Variants in ATG4C observed in about 807,000 individuals in gnomAD.
ATG4C encodes the protein cysteine protease ATG4C.
A neutral mutation model predicts 57.6 loss-of-function variants in ATG4C; 56 were observed. The observed-to-expected ratio is 0.97, with a 90% confidence interval of 0.78 to 1.21. The LOEUF is 1.21. ATG4C is among the 50% of genes most tolerant of loss of function. ATG4C has a pLI of 0.00. For synonymous variants in ATG4C, 157 were observed against 174.1 expected (o/e 0.90, Z 0.78); for missense variants, 595 against 529.8 (o/e 1.12, Z -1.21).
At chr1:62,812,681 A>T (rs1368536550) in intron 3 of ATG4C, among the ~76,000 whole-genome samples, 1 of 152,122 alleles carries the variant, frequency 6.6e-6, no homozygotes, top group Non-Finnish European at 1.5e-5. Flanking sequence ...AAGTCAAATT[A>T]TCTCTTTTTG....
At chr1:62,807,282 A>G (rs182238784) in intron 3 of ATG4C, among the ~76,000 whole-genome samples, 31 of 152,282 alleles carry the variant, frequency 2.0e-4, no homozygotes, top group Non-Finnish European at 4.0e-4. Flanking sequence ...CTTTGATCCC[A>G]GTTCCTAACA....
chr1:62,834,346 C>T (rs1405036271), intron 8 of ATG4C, among the ~76,000 whole-genome samples: 5 of 151,946 alleles, frequency 3.3e-5, no homozygotes, highest in South Asian at 4.1e-4. Context: ...TTATTGGTTG[C>T]GCTAAACTTC....
At chr1:62,843,710 C>T (rs1306704111) in intron 10 of ATG4C, among the ~76,000 whole-genome samples, 2 of 152,076 alleles carry the variant, frequency 1.3e-5, no homozygotes, top group Non-Finnish European at 2.9e-5. Context: ...TAGCAGAATT[C>T]AGTCTAGCAA....
chr1:62,861,576 A>AACACACACAC lies in ATG4C; in HGVS notation c.1210-2374_1210-2365dup, dbSNP rs57225222. Among the ~76,000 whole-genome samples the AACACACACAC allele has an allele frequency of 1.4e-3, 193 of 133,536 alleles. 2 individuals carry two copies. The highest frequency in any genetic ancestry group is 2.1e-3 in the Non-Finnish European group (133 of 63,166). The allele number at this position is 133,536 out of a possible 152,430, so 87.6% of individuals were successfully genotyped here. ...CAGAAGAAAGAAGCTTGGAAAATAG[A>AACACACACAC]ACACACACACACACACACACACACA... On this transcript the variant is annotated intron_variant, in intron 10 of 10. Coordinates refer to ENST00000317868, the MANE Select transcript of ATG4C (RefSeq NM_032852.4).
chr1:62,861,609 A>C (rs1244969366), intron 10 of ATG4C, among the ~76,000 whole-genome samples: 1 of 88,216 alleles, frequency 1.1e-5, no homozygotes, highest in Non-Finnish European at 2.5e-5. Context: ...ACACACACAC[A>C]CACACACACA....
At chr1:62,792,954 TC>T (rs1257586490) in intron 1 of ATG4C, among the ~76,000 whole-genome samples, 1 of 151,456 alleles carries the variant, frequency 6.6e-6, no homozygotes, top group Admixed American at 6.6e-5. Context: ...TGGCGCGATG[TC>T]GGCTCACTGC....
chr1:62,801,885 G>A (rs1664680484), intron 1 of ATG4C, among the ~76,000 whole-genome samples: 1 of 146,480 alleles, frequency 6.8e-6, no homozygotes, highest in South Asian at 2.2e-4. Context: ...ATGAACCGGG[G>A]AGGCGGAGCT....
chr1:62,840,962 C>G (rs1299943525), intron 9 of ATG4C, among the ~76,000 whole-genome samples: 1 of 152,172 alleles, frequency 6.6e-6, no homozygotes, highest in African/African-American at 2.4e-5. Context: ...CTTTTTATGT[C>G]AATATAGAAC....
At chr1:62,840,597 G>A (rs936352123) in intron 9 of ATG4C, among the ~76,000 whole-genome samples, 2 of 152,182 alleles carry the variant, frequency 1.3e-5, no homozygotes, top group African/African-American at 2.4e-5. Context: ...AGGTGTGATT[G>A]TGAGGAACAA....
intron 7 of ATG4C, among the ~76,000 whole-genome samples, chr1:62,832,882 C>A (rs916593618): frequency 2.3e-4 from 35 of 152,138 alleles, no homozygotes; most frequent in African/African-American, 8.4e-4. Flanking sequence ...AAAAGATATT[C>A]ATGACATAAT....
intron 3 of ATG4C, among the ~76,000 whole-genome samples, chr1:62,814,496 A>G (rs1396766125): frequency 6.6e-6 from 1 of 152,164 alleles, no homozygotes; most frequent in African/African-American, 2.4e-5. Context: ...CCTAATGTCA[A>G]TGACAGGTTG....
chr1:62,815,415 A>G (rs1665234986), intron 3 of ATG4C, among the ~76,000 whole-genome samples: 1 of 152,158 alleles, frequency 6.6e-6, no homozygotes, highest in Admixed American at 6.5e-5. Context: ...TATTGTTGTC[A>G]TACATTTTAC....
chr1:62,863,856 A>G, intron 10 of ATG4C, 136 bp from the exon 11 acceptor site: 1 of 558,662 alleles, frequency 1.8e-6, no homozygotes, highest in South Asian at 3.3e-5. Context: ...CAGAACAGGC[A>G]AAGGAGTAGC....
chr1:62,834,703 T>A, intron 8 of ATG4C, 73 bp from the exon 9 acceptor site: 2 of 1,269,830 alleles, frequency 1.6e-6, no homozygotes, highest in Non-Finnish European at 2.3e-6. Flanking sequence ...CTGTTCTACA[T>A]AGAAATTGGA....
intron 6 of ATG4C, among the ~76,000 whole-genome samples, chr1:62,825,235 A>T (rs1381037957): frequency 3.5e-4 from 7 of 20,026 alleles, no homozygotes; most frequent in African/African-American, 1.6e-3. Context: ...GACTCCGTCT[A>T]AAAAAAAAAA....
chr1:62,792,376 G>A (rs1446589759), intron 1 of ATG4C, among the ~76,000 whole-genome samples: 1 of 152,176 alleles, frequency 6.6e-6, no homozygotes, highest in Non-Finnish European at 1.5e-5. Context: ...CTGATCAGTT[G>A]AAGGAATTGG....
chr1:62,834,539 A>T (rs1408104714), intron 8 of ATG4C, among the ~76,000 whole-genome samples: 3 of 152,100 alleles, frequency 2.0e-5, no homozygotes, highest in Admixed American at 6.6e-5. Flanking sequence ...AAGCAATTTT[A>T]TCACCAAAAA....
chr1:62,807,793 A>C (rs537614591), intron 3 of ATG4C, among the ~76,000 whole-genome samples: 1 of 152,240 alleles, frequency 6.6e-6, no homozygotes, highest in Non-Finnish European at 1.5e-5. Context: ...TCTGTGAGTC[A>C]TCACAGCAAA....
intron 1 of ATG4C, among the ~76,000 whole-genome samples, chr1:62,797,448 G>C (rs1056475633): frequency 6.6e-6 from 1 of 152,050 alleles, no homozygotes; most frequent in African/African-American, 2.4e-5. Flanking sequence ...TTGAGAAATA[G>C]TTATGTTATT....
Sources: allele counts gnomAD v4.1 joint callset (sites outside exome capture counted in the v4.1 genomes callset), GRCh38; gene constraint gnomAD v4.1.1; transcripts MANE v1.5; gene names NCBI Gene and HGNC (gene_info 2026-07-23, HGNC 2026-07-21).